Variants in KHDRBS3 observed in about 807,000 individuals in gnomAD.
KHDRBS3 encodes the protein KH RNA binding domain containing, signal transduction associated 3.
Under a neutral mutation model 45.6 loss-of-function variants are expected in KHDRBS3, and 23 were observed. The ratio of observed to expected loss-of-function variants is 0.50; its 90% confidence interval spans 0.36 to 0.72. KHDRBS3 has a LOEUF of 0.72. Ranked by LOEUF, KHDRBS3 falls within the 30% of genes least tolerant of loss-of-function variation. The pLI is 0.00. For missense variants in KHDRBS3, 352 were observed against 424.8 expected (o/e 0.83, Z 1.51); for synonymous variants, 162 against 156.5 (o/e 1.04, Z -0.26).
intron 4 of KHDRBS3, among the ~76,000 whole-genome samples, chr8:135,550,800 A>G (rs1826550678): frequency 6.6e-6 from 1 of 152,174 alleles, no homozygotes; most frequent in Non-Finnish European, 1.5e-5. Context: ...TTGAATCTAT[A>G]GATCAGTTTG....
At chr8:135,464,872 A>G (rs142468727) in intron 1 of KHDRBS3, among the ~76,000 whole-genome samples, 16 of 152,338 alleles carry the variant, frequency 1.1e-4, no homozygotes, top group African/African-American at 3.6e-4. Context: ...GCCCAACACT[A>G]TGACACTATG....
intron 1 of KHDRBS3, among the ~76,000 whole-genome samples, chr8:135,497,811 A>T (rs533296522): frequency 6.6e-6 from 1 of 152,302 alleles, no homozygotes; most frequent in African/African-American, 2.4e-5. Flanking sequence ...AGTGTTAACC[A>T]AGTGAGTAAG....
chr8:135,613,247 C>CA (rs2131053795), intron 7 of KHDRBS3, among the ~76,000 whole-genome samples: 1 of 152,042 alleles, frequency 6.6e-6, no homozygotes, highest in South Asian at 2.1e-4. Flanking sequence ...TTATCAGAAA[C>CA]AGAGACCGGT....
intron 4 of KHDRBS3, among the ~76,000 whole-genome samples, chr8:135,557,038 T>A (rs1826921869): frequency 6.6e-6 from 1 of 152,200 alleles, no homozygotes; most frequent in Non-Finnish European, 1.5e-5. Context: ...TAGAGTGAAG[T>A]CCTTGGGTGC....
chr8:135,572,307 ACT>A (rs1171083893), intron 5 of KHDRBS3, among the ~76,000 whole-genome samples: 4 of 152,154 alleles, frequency 2.6e-5, no homozygotes, highest in Admixed American at 6.5e-5. Flanking sequence ...AAGAAAAATA[ACT>A]CTCTTGCACT....
In KHDRBS3 at chr8:135,457,828, C is replaced by G. The variant is rs779430370; in HGVS notation, c.-39C>G. ...GGGTTGCCGGGCGCCGCCCCCCGTGCGCCTGGAGTCCACATCCCGGGCCCG... is the reference window on the plus strand; with the variant it reads ...GGGTTGCCGGGCGCCGCCCCCCGTGGGCCTGGAGTCCACATCCCGGGCCCG... On this transcript the variant is annotated 5_prime_UTR_variant, in exon 1 of 9. Coordinates refer to ENST00000355849, the MANE Select transcript of KHDRBS3 (RefSeq NM_006558.3). The surrounding 1 kb of genome is among the most constrained non-coding windows in gnomAD (Gnocchi z 4.4). The G allele has an allele frequency of 1.0e-5, 15 of 1,430,780 alleles. No individual in the cohort carries two copies. The highest frequency in any genetic ancestry group is 1.4e-5 in the Non-Finnish European group (15 of 1,062,722). 88.6% of individuals were successfully genotyped at this position (1,430,780 alleles called of 1,614,324 possible). A position where few individuals can be genotyped will look rare whatever the true frequency, so the allele number is the denominator to read the frequency against.
chr8:135,654,266 T>C (rs1421503868), intron 4 of KHDRBS3, among the ~76,000 whole-genome samples: 2 of 151,522 alleles, frequency 1.3e-5, no homozygotes, highest in Non-Finnish European at 3.0e-5. Flanking sequence ...AGTTAGTTTC[T>C]AATATTTTGC....
chr8:135,568,487 G>A (rs1827538441), intron 5 of KHDRBS3, among the ~76,000 whole-genome samples: 1 of 152,092 alleles, frequency 6.6e-6, no homozygotes, highest in Admixed American at 6.6e-5. Context: ...GACATTTCTG[G>A]AGGAGAAAAA....
chr8:135,644,928 G>C, intron 7 of KHDRBS3, 131 bp from the exon 8 acceptor site: 2 of 888,694 alleles, frequency 2.3e-6, no homozygotes, highest in Non-Finnish European at 3.5e-6. Flanking sequence ...CTGTGATCTC[G>C]GTGGGAATTT....
At position 135,457,997 on chromosome 8, in the gene KHDRBS3, G is replaced by T. The variant is rs748112903; in HGVS notation, c.88+43G>T. ...AACTGCCGGCCGGCGGCGGTTGGGG[G>T]CCGGGTGGAAACGCGGGGGCCCAGG... On this transcript the variant is annotated intron_variant, in intron 1 of 8. Transcript: ENST00000355849. This position sits in a 1 kb window ranked among gnomAD's most constrained non-coding sequence, Gnocchi z 4.4. The T allele has an allele frequency of 1.3e-6, 2 of 1,540,470 alleles. No individual in the cohort carries two copies. Among genetic ancestry groups the T allele is most frequent in the African/African-American group, 2.8e-5 (2 of 70,912 alleles).
intron 7 of KHDRBS3, among the ~76,000 whole-genome samples, chr8:135,639,085 A>G (rs1028615498): frequency 6.6e-6 from 1 of 152,204 alleles, no homozygotes; most frequent in Non-Finnish European, 1.5e-5. Flanking sequence ...CAGCCACATC[A>G]GGTAGTTACT....
chr8:135,583,592 G>A (rs903267683), intron 6 of KHDRBS3, among the ~76,000 whole-genome samples: 2 of 152,174 alleles, frequency 1.3e-5, no homozygotes, highest in Non-Finnish European at 2.9e-5. Flanking sequence ...GGCAGGTTGT[G>A]TGGGAAACCT....
chr8:135,465,493 T>C (rs201089124), intron 1 of KHDRBS3, among the ~76,000 whole-genome samples: 5 of 152,182 alleles, frequency 3.3e-5, no homozygotes, highest in Non-Finnish European at 5.9e-5. Context: ...CCAGGAAATA[T>C]TGAAGGAGAA....
chr8:135,646,145 A>C (rs1325933343), intron 8 of KHDRBS3, among the ~76,000 whole-genome samples: 1 of 151,902 alleles, frequency 6.6e-6, no homozygotes, highest in Non-Finnish European at 1.5e-5. Flanking sequence ...AGAAGAGGTC[A>C]TTTTAAGCAT....
In KHDRBS3 at chr8:135,521,263, G is replaced by T; in HGVS notation, c.115G>T (p.Gly39Cys). The change falls in exon 2 of 9, where the codon GGC becomes TGC. Residue 39 changes from glycine (G) to cysteine (C), a missense_variant. Gly to Cys is a radical substitution (Grantham distance 159). Coordinates refer to ENST00000355849, the MANE Select transcript of KHDRBS3 (RefSeq NM_006558.3). ...QEIEKFQKGEGKDEEKYIDVV... is the reference protein window; with the variant it reads ...QEIEKFQKGECKDEEKYIDVV... The stretch of plus-strand genomic sequence containing the variant: ...AATAGAAAAGTTTCAAAAAGGAGAA[G>T]GCAAGGATGAAGAAAAGTACATCGA... 6.2e-7 allele frequency: 1 copy of T among 1,612,712 alleles called. No individual in the cohort carries two copies. Among genetic ancestry groups the T allele is most frequent in the Non-Finnish European group, 8.5e-7 (1 of 1,178,852 alleles).
At chr8:135,517,523 C>A (rs1393115033) in intron 1 of KHDRBS3, among the ~76,000 whole-genome samples, 1 of 151,984 alleles carries the variant, frequency 6.6e-6, no homozygotes, top group African/African-American at 2.4e-5. Flanking sequence ...TTGTGCAATT[C>A]TCCATTTTAT....
chr8:135,573,869 T>A (rs796418405), intron 5 of KHDRBS3, among the ~76,000 whole-genome samples: 2 of 152,298 alleles, frequency 1.3e-5, no homozygotes, highest in Admixed American at 6.5e-5. Context: ...AAAGAAAGAA[T>A]TATTGCATTG....
At chr8:135,515,049 G>A (rs544421442) in intron 1 of KHDRBS3, among the ~76,000 whole-genome samples, 1 of 152,042 alleles carries the variant, frequency 6.6e-6, no homozygotes, top group Non-Finnish European at 1.5e-5. Flanking sequence ...GTATGTAAAG[G>A]AGGTATTAGA....
At chr8:135,614,472 A>G (rs532736853) in intron 7 of KHDRBS3, among the ~76,000 whole-genome samples, 12 of 151,956 alleles carry the variant, frequency 7.9e-5, no homozygotes, top group African/African-American at 2.9e-4. Flanking sequence ...TTTTTAGTCT[A>G]TGTTTCTGAA....
Sources: gnomAD v4.1 joint callset for allele counts (sites outside exome capture counted in the v4.1 genomes callset) on GRCh38, gnomAD v4.1.1 for gene constraint, Gnocchi (gnomAD v3.1) non-coding constraint, MANE v1.5 for transcripts, NCBI Gene and HGNC (gene_info 2026-07-23, HGNC 2026-07-21) for gene names.